YES1: variants seen among roughly 807,000 people sequenced by gnomAD.
YES1 encodes tyrosine-protein kinase Yes.
Under a neutral mutation model 70.4 loss-of-function variants are expected in YES1, and 39 were observed. That is an observed-to-expected ratio of 0.55 (90% CI 0.43 to 0.72). The LOEUF (loss-of-function observed/expected upper bound fraction) is 0.72. Among genes scored for constraint, YES1 ranks in the 30% least tolerant of loss-of-function variants. The pLI is 0.00. For synonymous variants in YES1, 198 were observed against 218.6 expected (o/e 0.91, Z 0.83); for missense variants, 495 against 644.8 (o/e 0.77, Z 2.52).
intron 2 of YES1, among the ~76,000 whole-genome samples, chr18:754,798 C>T (rs1295883828): frequency 6.6e-6 from 1 of 151,568 alleles, no homozygotes; most frequent in Non-Finnish European, 1.5e-5. Flanking sequence ...CACCATCATT[C>T]TAGTTAGTTC....
Position 722,738 on chromosome 18 carries a change from C to G in YES1, c.*1686G>C, listed in dbSNP as rs2079967670. On this transcript the variant is annotated 3_prime_UTR_variant, in exon 12 of 12. Transcript: ENST00000314574. ...TAATATTCAGAATAAGTTTTCCTCCCCAAATCAACCATTTAATGTATTCTA... is the reference window on the plus strand; with the variant it reads ...TAATATTCAGAATAAGTTTTCCTCCGCAAATCAACCATTTAATGTATTCTA... 1 of 152,150 alleles carries G rather than the reference C, an allele frequency of 6.6e-6. No individual in the cohort carries two copies. Among genetic ancestry groups the G allele is most frequent in the Non-Finnish European group, 1.5e-5 (1 of 68,036 alleles). 9.4% of individuals were successfully genotyped at this position (152,150 alleles called of 1,614,324 possible).
chr18:794,125 T>C (rs1906413897), intron 1 of YES1, among the ~76,000 whole-genome samples: 1 of 152,208 alleles, frequency 6.6e-6, no homozygotes, highest in South Asian at 2.1e-4. Context: ...CATTTTGTGG[T>C]GATGAAACCT....
At chr18:728,963 T>C (rs887139383) in intron 11 of YES1, among the ~76,000 whole-genome samples, 1 of 152,356 alleles carries the variant, frequency 6.6e-6, no homozygotes, top group South Asian at 2.1e-4. Context: ...GTTCACTTAA[T>C]CTGTGGGCTA....
chr18:754,276 T>C (rs2080378214), intron 2 of YES1, among the ~76,000 whole-genome samples: 1 of 152,210 alleles, frequency 6.6e-6, no homozygotes, highest in African/African-American at 2.4e-5. Context: ...TTCTCCCCTC[T>C]GTTTATACTA....
intron 11 of YES1, among the ~76,000 whole-genome samples, chr18:730,312 G>A (rs1367253876): frequency 6.6e-6 from 1 of 151,040 alleles, no homozygotes; most frequent in Non-Finnish European, 1.5e-5. Flanking sequence ...CTGTGTATGT[G>A]CAGATTAGAA....
At chr18:792,632 C>T (rs1906325267) in intron 1 of YES1, among the ~76,000 whole-genome samples, 2 of 151,282 alleles carry the variant, frequency 1.3e-5, no homozygotes, top group Admixed American at 6.6e-5. Flanking sequence ...TACGCACACA[C>T]ATTCATATAT....
rs1204651846 is a variant in YES1, at chr18:742,900, G to A, written c.1060+18C>T. 1 of 1,552,074 alleles carries A rather than the reference G, an allele frequency of 6.4e-7. No individual in the cohort carries two copies. The highest frequency in any genetic ancestry group is 1.4e-5 in the African/African-American group (1 of 72,892). On this transcript the variant is annotated intron_variant, in intron 8 of 11. Transcript: ENST00000314574. ...AAACATTATCAACACAAATACCTAA[G>A]GAGATACTAATACATACCTTTTGAC...
chr18:739,706 C>T, intron 9 of YES1, 29 bp downstream of exon 9: 1 of 1,506,350 alleles, frequency 6.6e-7, no homozygotes, highest in Middle Eastern at 1.7e-4. Context: ...ACTTTTAATT[C>T]AAATGGATAC....
rs568457621 is a variant in YES1, at chr18:744,792, T to C, written c.724+916A>G. ...CAAGTGATCCTCCTGCATCAGTAGT[T>C]GGGATTAAAGGCACAATCCACATGC... is the stretch of plus-strand genomic sequence containing the variant. On this transcript the variant is annotated intron_variant, in intron 6 of 11. Coordinates refer to ENST00000314574, the MANE Select transcript of YES1 (RefSeq NM_005433.4). Among the ~76,000 whole-genome samples the C allele has an allele frequency of 7.3e-4, 110 of 149,802 alleles. No homozygotes were observed. In the South Asian group the frequency reaches 0.022, roughly 30 times the overall value.
At chr18:798,642 G>A (rs898322891) in intron 1 of YES1, among the ~76,000 whole-genome samples, 1 of 152,134 alleles carries the variant, frequency 6.6e-6, no homozygotes, top group Non-Finnish European at 1.5e-5. Flanking sequence ...TCAATCACTA[G>A]AAGTGGTATG....
At chr18:785,031 T>C (rs141978507) in intron 1 of YES1, among the ~76,000 whole-genome samples, 1 of 152,338 alleles carries the variant, frequency 6.6e-6, no homozygotes, top group African/African-American at 2.4e-5. Flanking sequence ...AGAGAGTCAG[T>C]ATGCTTCCAT....
chr18:759,902 T>C (rs1003548802), intron 1 of YES1, among the ~76,000 whole-genome samples: 4 of 136,768 alleles, frequency 2.9e-5, no homozygotes, highest in Non-Finnish European at 6.2e-5. Context: ...ATGTTCCCCT[T>C]CCTGTGTCCA....
intron 1 of YES1, among the ~76,000 whole-genome samples, chr18:790,847 T>C (rs1166344209): frequency 1.3e-5 from 2 of 152,264 alleles, no homozygotes; most frequent in Non-Finnish European, 2.9e-5. Context: ...TTCTTGGTTG[T>C]AGTATCCTTC....
rs2145826820 is a variant in YES1, at chr18:796,711, T to C, written c.-9+15403A>G. Among the ~76,000 whole-genome samples the C allele has an allele frequency of 2.0e-5, 3 of 152,246 alleles. 1 individual carries two copies. In the Middle Eastern group the frequency reaches 0.01, roughly 518 times the overall value. ...AGGTGGAGGTTACAGTGAGCCAAGATGGCACCACTGCACTGGCCTGGGTGA... is the reference window on the plus strand; with the variant it reads ...AGGTGGAGGTTACAGTGAGCCAAGACGGCACCACTGCACTGGCCTGGGTGA... On this transcript the variant is annotated intron_variant, in intron 1 of 11. Coordinates refer to ENST00000314574, the MANE Select transcript of YES1 (RefSeq NM_005433.4).
At chr18:760,888 T>C (rs1183991508) in intron 1 of YES1, among the ~76,000 whole-genome samples, 2 of 152,152 alleles carry the variant, frequency 1.3e-5, no homozygotes, top group South Asian at 2.1e-4. Context: ...ATATAATAAA[T>C]GTACACATGT....
intron 1 of YES1, among the ~76,000 whole-genome samples, chr18:759,703 ATTTCTTTT>A (rs1341137372): frequency 2.0e-4 from 31 of 151,790 alleles, no homozygotes; most frequent in African/African-American, 6.3e-4. Context: ...CAATTTATTT[ATTTCTTTT>A]TTTCTTTTAT....
intron 1 of YES1, among the ~76,000 whole-genome samples, chr18:761,992 G>T (rs1298229391): frequency 6.6e-6 from 1 of 152,168 alleles, no homozygotes; most frequent in Non-Finnish European, 1.5e-5. Flanking sequence ...TTTGAGACCA[G>T]CCTGACCAAT....
At chr18:753,920 T>A (rs571917606) in intron 2 of YES1, among the ~76,000 whole-genome samples, 1 of 152,290 alleles carries the variant, frequency 6.6e-6, no homozygotes, top group South Asian at 2.1e-4. Context: ...TCTAATCAGG[T>A]ACTCAAGCCG....
intron 1 of YES1, among the ~76,000 whole-genome samples, chr18:761,480 G>A (rs1466745840): frequency 6.6e-6 from 1 of 152,144 alleles, no homozygotes; most frequent in African/African-American, 2.4e-5. Flanking sequence ...ATTCACAACA[G>A]AGGCTCCTAT....
Sources: gnomAD v4.1 joint callset for allele counts (sites outside exome capture counted in the v4.1 genomes callset) on GRCh38, gnomAD v4.1.1 for gene constraint, MANE v1.5 for transcripts, NCBI Gene and HGNC (gene_info 2026-07-23, HGNC 2026-07-21) for gene names.